The following ELAVL2 variants were observed in gnomAD, a reference collection of about 807,000 sequenced individuals.
The protein encoded by ELAVL2 is ELAV like RNA binding protein 2.
ELAVL2 carries 4 observed loss-of-function variants against 34.6 expected under a neutral mutation model. The ratio of observed to expected loss-of-function variants is 0.12; its 90% CI spans 0.06 to 0.26. The LOEUF (loss-of-function observed/expected upper bound fraction) is 0.26, where lower values mean the gene tolerates loss of function less well. Among genes scored for constraint, ELAVL2 ranks in the 10% least tolerant of loss-of-function variants. The pLI is 1.00. For synonymous variants in ELAVL2, 193 were observed against 154.8 expected (o/e 1.25, Z -1.83); for missense variants, 432 against 442.8 (o/e 0.98, Z 0.22).
chr9:23,723,920 A>G (rs1259111035), intron 3 of ELAVL2, among the ~76,000 whole-genome samples: 1 of 152,120 alleles, frequency 6.6e-6, no homozygotes, highest in Non-Finnish European at 1.5e-5. Context: ...CTAAACCTAT[A>G]CAAGTTATTA....
intron 3 of ELAVL2, among the ~76,000 whole-genome samples, chr9:23,711,231 G>T (rs2040859545): frequency 6.6e-6 from 1 of 152,132 alleles, no homozygotes. Flanking sequence ...ATCTTTAACG[G>T]ATATTCCAAA....
upstream of ELAVL2, among the ~76,000 whole-genome samples, chr9:23,826,719 A>G (rs1483283619): frequency 1.3e-5 from 2 of 152,052 alleles, no homozygotes; most frequent in Non-Finnish European, 2.9e-5. Flanking sequence ...TCTGTGGCAT[A>G]TTTCTTTATA....
chr9:23,818,104 C>T (rs931845071), intron 1 of ELAVL2, among the ~76,000 whole-genome samples: 1 of 151,958 alleles, frequency 6.6e-6, no homozygotes, highest in East Asian at 1.9e-4. Flanking sequence ...GGGCTCTGTG[C>T]GTAACCAGAA....
intron 1 of ELAVL2, among the ~76,000 whole-genome samples, chr9:23,804,796 C>A (rs998077207): frequency 2.5e-4 from 38 of 152,138 alleles, no homozygotes; most frequent in African/African-American, 8.9e-4. Flanking sequence ...CGGGAACCAG[C>A]CACAAGGTCA....
At chr9:23,843,189 T>C in the ELAVL2 span, among the ~76,000 whole-genome samples, 4 of 152,238 alleles carry the variant, frequency 2.6e-5, no homozygotes, top group South Asian at 8.3e-4. Context: ...CTGAATGCTA[T>C]TCAAACTCAC....
chr9:23,816,876 T>C (rs749715208), intron 1 of ELAVL2, among the ~76,000 whole-genome samples: 1 of 152,168 alleles, frequency 6.6e-6, no homozygotes, highest in Non-Finnish European at 1.5e-5. Context: ...TTCAGTAGGT[T>C]AGGCGTATTA....
intron 3 of ELAVL2, among the ~76,000 whole-genome samples, chr9:23,726,990 G>A (rs893399743): frequency 6.6e-6 from 1 of 151,974 alleles, no homozygotes; most frequent in Admixed American, 6.6e-5. Flanking sequence ...CATACAACTT[G>A]ACACTTCCAT....
At chr9:23,835,088 G>A in the ELAVL2 span, among the ~76,000 whole-genome samples, 2 of 151,956 alleles carry the variant, frequency 1.3e-5, no homozygotes, top group Non-Finnish European at 2.9e-5. Flanking sequence ...CAGTCTTTCT[G>A]CAATCTGTTA....
At chr9:23,757,659 AAGC>A (rs1161310063) in intron 2 of ELAVL2, among the ~76,000 whole-genome samples, 1 of 152,022 alleles carries the variant, frequency 6.6e-6, no homozygotes. Flanking sequence ...TAAGCTGTAC[AAGC>A]AGCAGAAGCT....
At chr9:23,779,475 C>T in intron 1 of ELAVL2, 2 of 913,434 alleles carry the variant, frequency 2.2e-6, no homozygotes, top group Non-Finnish European at 2.6e-6. Context: ...GGCGGGCTTC[C>T]TTCTGGCTTC....
At chr9:23,702,245 A>G (rs2037516570) in intron 4 of ELAVL2, among the ~76,000 whole-genome samples, 1 of 152,158 alleles carries the variant, frequency 6.6e-6, no homozygotes, top group African/African-American at 2.4e-5. Context: ...ATTACAGAAA[A>G]ATATTATATG....
intron 3 of ELAVL2, among the ~76,000 whole-genome samples, chr9:23,718,017 C>T (rs921456229): frequency 1.2e-4 from 18 of 152,104 alleles, no homozygotes; most frequent in African/African-American, 4.3e-4. Flanking sequence ...AGGTGAGCAC[C>T]ATGCACATCT....
intron 5 of ELAVL2, among the ~76,000 whole-genome samples, chr9:23,701,167 C>T (rs998600688): frequency 6.6e-6 from 1 of 152,220 alleles, no homozygotes; most frequent in Non-Finnish European, 1.5e-5. Flanking sequence ...CTGTAGGTTA[C>T]TGTCCTTTGG....
intron 6 of ELAVL2, 129 bp from the exon 7 acceptor site, chr9:23,693,013 A>C (rs1475517220): frequency 1.2e-6 from 1 of 830,436 alleles, no homozygotes; most frequent in Non-Finnish European, 1.8e-6. Flanking sequence ...CAAATATATA[A>C]ACTATTTCAT....
chr9:23,752,917 GA>G (rs1479020373), intron 2 of ELAVL2, among the ~76,000 whole-genome samples: 1 of 152,166 alleles, frequency 6.6e-6, no homozygotes, highest in Non-Finnish European at 1.5e-5. Flanking sequence ...AGTGGAGTCT[GA>G]AAAGATGGTT....
intron 3 of ELAVL2, among the ~76,000 whole-genome samples, chr9:23,720,621 C>T (rs544042111): frequency 2.0e-5 from 3 of 152,270 alleles, no homozygotes; most frequent in East Asian, 3.9e-4. Flanking sequence ...TGTGTGAGAA[C>T]GTGCATTATT....
chr9:23,768,074 A>C (rs1019764312), intron 1 of ELAVL2, among the ~76,000 whole-genome samples: 3 of 152,036 alleles, frequency 2.0e-5, no homozygotes, highest in African/African-American at 7.2e-5. Context: ...TCCTCATCCT[A>C]ATCTACCTTA....
intron 1 of ELAVL2, among the ~76,000 whole-genome samples, chr9:23,794,617 T>A (rs569254127): frequency 6.6e-6 from 1 of 152,312 alleles, no homozygotes; most frequent in African/African-American, 2.4e-5. Flanking sequence ...CATTTTTACA[T>A]CAAATAACTA....
intron 3 of ELAVL2, among the ~76,000 whole-genome samples, chr9:23,708,346 A>G (rs1320282301): frequency 6.6e-6 from 1 of 152,232 alleles, no homozygotes; most frequent in Non-Finnish European, 1.5e-5. Context: ...TGAGGTAGGC[A>G]GCATACATAT....
Sources: gnomAD v4.1 joint callset for allele counts (sites outside exome capture counted in the v4.1 genomes callset) on GRCh38, gnomAD v4.1.1 for gene constraint, MANE v1.5 for transcripts, NCBI Gene and HGNC (gene_info 2026-07-23, HGNC 2026-07-21) for gene names.